Variants in ELMOD1 observed in about 807,000 individuals in gnomAD.
ELMOD1 encodes the protein ELMO domain-containing protein 1.
A neutral mutation model predicts 46.7 loss-of-function variants in ELMOD1; 21 were observed. That is an observed-to-expected ratio of 0.45 (90% CI 0.32 to 0.65). The LOEUF (loss-of-function observed/expected upper bound fraction) is 0.65. ELMOD1 is among the 30% of genes least tolerant of loss of function. The pLI, the probability that ELMOD1 is intolerant of heterozygous loss-of-function variation, is 0.04. For missense variants in ELMOD1, 348 were observed against 407.8 expected (o/e 0.85, Z 1.26); for synonymous variants, 122 against 138.2 (o/e 0.88, Z 0.82).
intron 5 of ELMOD1, among the ~76,000 whole-genome samples, chr11:107,635,365 T>G (rs1866211002): frequency 6.6e-6 from 1 of 152,206 alleles, no homozygotes; most frequent in East Asian, 1.9e-4. Flanking sequence ...TCCTCCCATC[T>G]TGGCCTCAGA....
rs561451600 is a variant in ELMOD1, at chr11:107,594,267, G to A, written c.-86+2858G>A. On this transcript the variant is annotated intron_variant, in intron 1 of 11. Transcript: ENST00000265840. ...AAGAGAGCGAGATCTTATCCTGGGC[G>A]AAAATGAGAAAAAAAAAAAATCTCT... Among the ~76,000 whole-genome samples the A allele has an allele frequency of 7.4e-5, 11 of 147,940 alleles. No homozygotes were observed. The South Asian group carries it at 1.5e-3, about 20-fold the overall frequency.
At chr11:107,637,337 G>A (rs563914621) in intron 6 of ELMOD1, among the ~76,000 whole-genome samples, 1 of 152,180 alleles carries the variant, frequency 6.6e-6, no homozygotes. Context: ...TTTGGGGAAA[G>A]GCATCATTTC....
intron 1 of ELMOD1, among the ~76,000 whole-genome samples, chr11:107,617,279 G>T (rs1865878558): frequency 6.6e-6 from 1 of 152,186 alleles, no homozygotes; most frequent in African/African-American, 2.4e-5. Context: ...TTGGCAATGT[G>T]TCTCTGCCCG....
rs994201484 is a variant in ELMOD1, at chr11:107,665,780, G to C, written c.*583G>C. 2.0e-5 allele frequency: 3 copies of C among 151,954 alleles called. No individual in the cohort carries two copies. Among genetic ancestry groups the C allele is most frequent in the African/African-American group, 7.3e-5 (3 of 41,296 alleles). The allele number at this position is 151,954 out of a possible 1,614,324, so 9.4% of individuals were successfully genotyped here. On this transcript the variant is annotated 3_prime_UTR_variant, in exon 12 of 12. Transcript: ENST00000265840. Reference sequence around the variant, plus strand: ...GATCGAGACCATCCTGGCCAACATGGTGAAACCCCGTCTCTACTAAAAATA... The same window carrying C: ...GATCGAGACCATCCTGGCCAACATGCTGAAACCCCGTCTCTACTAAAAATA...
chr11:107,599,770 A>G (rs549377814), intron 1 of ELMOD1, among the ~76,000 whole-genome samples: 127 of 145,018 alleles, frequency 8.8e-4, no homozygotes, highest in African/African-American at 3.1e-3. Flanking sequence ...GAAAAGAAAA[A>G]AAAAAAAAAC....
At chr11:107,625,638 C>T (rs1206518993) in intron 2 of ELMOD1, 1 of 883,988 alleles carries the variant, frequency 1.1e-6, no homozygotes, top group African/African-American at 1.8e-5. Context: ...AACAAAGCGC[C>T]ACAAGACCGG....
At chr11:107,625,635 C>A (rs531915543) in intron 2 of ELMOD1, 24 of 891,164 alleles carry the variant, frequency 2.7e-5, no homozygotes, top group Non-Finnish European at 3.1e-5. Flanking sequence ...TCTAACAAAG[C>A]GCCACAAGAC....
At chr11:107,597,986 T>C (rs558405131) in intron 1 of ELMOD1, among the ~76,000 whole-genome samples, 2 of 152,212 alleles carry the variant, frequency 1.3e-5, no homozygotes, top group Admixed American at 6.5e-5. Context: ...GTGTTTGTTC[T>C]GAGTGTACTC....
At chr11:107,595,958 A>AT (rs980169940) in intron 1 of ELMOD1, among the ~76,000 whole-genome samples, 201 of 151,998 alleles carry the variant, frequency 1.3e-3, no homozygotes, top group African/African-American at 4.5e-3. Flanking sequence ...TCACAATTTG[A>AT]TTTTTTTTGC....
intron 1 of ELMOD1, among the ~76,000 whole-genome samples, chr11:107,599,034 T>C (rs1166364982): frequency 6.6e-6 from 1 of 152,198 alleles, no homozygotes; most frequent in African/African-American, 2.4e-5. Context: ...GAATAAGGGA[T>C]CTTGCTTGGC....
chr11:107,626,377 A>G (rs1866040964), intron 2 of ELMOD1, among the ~76,000 whole-genome samples: 1 of 121,536 alleles, frequency 8.2e-6, no homozygotes, highest in Non-Finnish European at 1.7e-5. Context: ...TGCAGTCATG[A>G]AAAAAAAAAA....
chr11:107,635,517 C>A (rs2135693912), intron 5 of ELMOD1, 119 bp from the exon 6 acceptor site: 2 of 992,210 alleles, frequency 2.0e-6, no homozygotes, highest in Non-Finnish European at 2.9e-6. Flanking sequence ...CATCTTTGAG[C>A]AATTTCCTGA....
chr11:107,591,834 C>T (rs1178926534), intron 1 of ELMOD1: 1 of 473,908 alleles, frequency 2.1e-6, no homozygotes, highest in Admixed American at 2.3e-5. Context: ...GCCTTGTGGG[C>T]TTCGGTCTCC....
intron 1 of ELMOD1, among the ~76,000 whole-genome samples, chr11:107,600,217 A>T (rs1256574694): frequency 6.6e-6 from 1 of 152,226 alleles, no homozygotes; most frequent in African/African-American, 2.4e-5. Flanking sequence ...ATTTATAAAT[A>T]CTTCAGTATG....
chr11:107,632,462 C>T (rs1310928211), intron 5 of ELMOD1, among the ~76,000 whole-genome samples: 1 of 152,178 alleles, frequency 6.6e-6, no homozygotes, highest in East Asian at 1.9e-4. Flanking sequence ...AAGGGAATTT[C>T]AGAGCACACT....
intron 7 of ELMOD1, among the ~76,000 whole-genome samples, 183 bp from the exon 8 acceptor site, chr11:107,650,152 T>A (rs1866499829): frequency 6.6e-6 from 1 of 152,230 alleles, no homozygotes; most frequent in East Asian, 1.9e-4. Flanking sequence ...TACCCTACCA[T>A]GTCATTACAT....
chr11:107,611,952 C>A (rs774953055), intron 1 of ELMOD1, among the ~76,000 whole-genome samples: 9 of 152,162 alleles, frequency 5.9e-5, no homozygotes, highest in Non-Finnish European at 1.3e-4. Flanking sequence ...CTATGGAAAG[C>A]AGTTTGGCAA....
At chr11:107,599,748 A>AAAAAAG (rs1404236486) in intron 1 of ELMOD1, among the ~76,000 whole-genome samples, 1 of 144,344 alleles carries the variant, frequency 6.9e-6, no homozygotes, top group African/African-American at 2.7e-5. Flanking sequence ...CTCAAAAAAA[A>AAAAAAG]AAAGAAAAAA....
chr11:107,655,885 A>C (rs990525377), intron 10 of ELMOD1, 48 bp from the exon 11 acceptor site: 18 of 1,570,614 alleles, frequency 1.1e-5, no homozygotes, highest in Non-Finnish European at 1.6e-5. Context: ...GGAAATACTT[A>C]TTTCTTCTAT....
Sources: gnomAD v4.1 joint callset for allele counts (sites outside exome capture counted in the v4.1 genomes callset) on GRCh38, gnomAD v4.1.1 for gene constraint, MANE v1.5 for transcripts, NCBI Gene and HGNC (gene_info 2026-07-23, HGNC 2026-07-21) for gene names.